NCAPD3: variants seen among roughly 807,000 people sequenced by gnomAD.
The protein encoded by NCAPD3 is non-SMC condensin II complex subunit D3.
NCAPD3 carries 105 observed loss-of-function variants against 182.9 expected under a neutral mutation model. That is an observed-to-expected ratio of 0.57 (90% CI 0.49 to 0.68). The LOEUF (loss-of-function observed/expected upper bound fraction) is 0.68. NCAPD3 is among the 30% of genes least tolerant of loss of function. The probability of loss-of-function intolerance (pLI) is 0.00; values close to 1 mark genes in which losing one functional copy is unlikely to be tolerated. For synonymous variants in NCAPD3, 815 were observed against 679.9 expected (o/e 1.20, Z -3.09); for missense variants, 1,944 against 1,837.0 (o/e 1.06, Z -1.07).
intron 7 of NCAPD3, among the ~76,000 whole-genome samples, chr11:134,207,500 C>T (rs1455883403): frequency 6.6e-6 from 1 of 152,040 alleles, no homozygotes; most frequent in African/African-American, 2.4e-5. Flanking sequence ...GTAATTCCAG[C>T]ACTTTGGGAA....
At chr11:134,197,259 A>ACC (rs1378363303) in intron 13 of NCAPD3, among the ~76,000 whole-genome samples, 1 of 144,758 alleles carries the variant, frequency 6.9e-6, no homozygotes, top group Non-Finnish European at 1.5e-5. Flanking sequence ...CTGATAAATT[A>ACC]CCCAGTCTCA....
rs941761240 is a variant in NCAPD3, at chr11:134,151,826, C to T, written c.*1118G>A. 7 of 149,176 alleles carry T rather than the reference C, an allele frequency of 4.7e-5. No homozygotes were observed. Among genetic ancestry groups the T allele is most frequent in the African/African-American group, 1.5e-4 (6 of 41,288 alleles). 9.2% of individuals were successfully genotyped at this position (149,176 alleles called of 1,614,324 possible). A position where few individuals can be genotyped will look rare whatever the true frequency, so the allele number is the denominator to read the frequency against. On this transcript the variant is annotated 3_prime_UTR_variant, in exon 35 of 35. Transcript: ENST00000534548. ...TCTTCCTAGCATTTCAGTGGTTAGG[C>T]ATGCACACTAAAAATGCTATCAATC...
chr11:134,152,600 T>C lies in NCAPD3; in HGVS notation c.*344A>G, dbSNP rs116976000. On this transcript the variant is annotated 3_prime_UTR_variant, in exon 35 of 35. Coordinates refer to ENST00000534548, the MANE Select transcript of NCAPD3 (RefSeq NM_015261.3). ...GGAATTCAAGTTAACAGAGGCTTGA[T>C]TTATATAAAAGAAAGCTGCAGTTTT... 8 of 191,090 alleles carry C rather than the reference T, an allele frequency of 4.2e-5. No individual in the cohort carries two copies. The East Asian group carries it at 1.0e-3, about 25-fold the overall frequency. The allele number at this position is 191,090 out of a possible 1,614,324, so 11.8% of individuals were successfully genotyped here. A position where few individuals can be genotyped will look rare whatever the true frequency, so the allele number is the denominator to read the frequency against.
chr11:134,180,006 A>G (rs1372737479), intron 20 of NCAPD3, among the ~76,000 whole-genome samples: 3 of 151,986 alleles, frequency 2.0e-5, no homozygotes, highest in Non-Finnish European at 2.9e-5. Flanking sequence ...GATTTTGATG[A>G]CACGGTTAAC....
At chr11:134,169,080 G>C (rs375733833) in intron 24 of NCAPD3, 26 bp from the exon 25 acceptor site, 4 of 1,606,924 alleles carry the variant, frequency 2.5e-6, no homozygotes, top group Non-Finnish European at 3.4e-6. Flanking sequence ...AAACAAAGAG[G>C]GAGACCCATT....
rs1185632416 is a variant in NCAPD3 at position 134,158,495 on chromosome 11, C to T, written c.3868G>A (p.Val1290Ile). 1.9e-6 allele frequency: 3 copies of T among 1,612,822 alleles called. No individual in the cohort carries two copies. The Admixed American group carries it at 5.0e-5, about 27-fold the overall frequency. Reference protein sequence around the residue: ...GGAEVAPVAQVALCLETVPVP... With the variant: ...GGAEVAPVAQIALCLETVPVP... ...GGCACTGTTTCTAAACACAGGGCAA[C>T]CTGGTAGAGAAGATAAAGAGTATGT... Residue 1290 changes from valine to isoleucine, a missense_variant and splice_region_variant, in exon 30 of 35, where the codon GTT (valine) becomes ATT (isoleucine). By Grantham distance (29) the Val-to-Ile change is conservative (BLOSUM62 3). Coordinates refer to ENST00000534548, the MANE Select transcript of NCAPD3 (RefSeq NM_015261.3).
intron 8 of NCAPD3, 80 bp downstream of exon 8, chr11:134,206,518 CA>C (rs1937618846): frequency 3.9e-6 from 6 of 1,553,296 alleles, no homozygotes; most frequent in Non-Finnish European, 5.3e-6. Context: ...TTTAAGTCTA[CA>C]TGTATCAGAA....
chr11:134,187,208 TG>T (rs1334939905), intron 16 of NCAPD3, among the ~76,000 whole-genome samples: 2 of 152,224 alleles, frequency 1.3e-5, no homozygotes, highest in Admixed American at 1.3e-4. Flanking sequence ...CCCGTCTCCA[TG>T]GCCTCCACCA....
At chr11:134,188,254 G>A (rs1051674692) in intron 16 of NCAPD3, among the ~76,000 whole-genome samples, 9 of 150,990 alleles carry the variant, frequency 6.0e-5, no homozygotes, top group African/African-American at 1.7e-4. Flanking sequence ...CTAAAGGATT[G>A]TAAATGTACC....
chr11:134,168,859 C>T (rs1591831131), intron 25 of NCAPD3, 58 bp downstream of exon 25: 1 of 1,568,564 alleles, frequency 6.4e-7, no homozygotes. Flanking sequence ...CTAACCTCCC[C>T]TGATTCCCCC....
intron 22 of NCAPD3, 87 bp downstream of exon 22, chr11:134,178,547 C>T (rs1944221023): frequency 9.3e-7 from 1 of 1,070,664 alleles, no homozygotes; most frequent in Admixed American, 2.4e-5. Context: ...CTCCGCAGCC[C>T]CTGACACAGT....
intron 24 of NCAPD3, among the ~76,000 whole-genome samples, chr11:134,169,480 A>G (rs989050865): frequency 6.6e-6 from 1 of 152,240 alleles, no homozygotes; most frequent in Non-Finnish European, 1.5e-5. Context: ...GTTGCCCACA[A>G]TTATGAACAA....
intron 24 of NCAPD3, among the ~76,000 whole-genome samples, chr11:134,175,682 T>C (rs1944143398): frequency 6.6e-6 from 1 of 152,162 alleles, no homozygotes; most frequent in Non-Finnish European, 1.5e-5. Flanking sequence ...AAAGAATTAC[T>C]GTTACAACAA....
Position 134,157,164 on chromosome 11 carries a change from G to A in NCAPD3, c.4175-69C>T, listed in dbSNP as rs1943445319. The A allele has an allele frequency of 2.4e-6, 3 of 1,249,742 alleles. No homozygotes were observed. In the South Asian group the frequency reaches 4.2e-5, roughly 18 times the overall value. The allele number at this position is 1,249,742 out of a possible 1,614,324, so 77.4% of individuals were successfully genotyped here. A position where few individuals can be genotyped will look rare whatever the true frequency, so the allele number is the denominator to read the frequency against. The stretch of plus-strand genomic sequence containing the variant: ...ATAACGAAGAGCAAAACAACCACAT[G>A]AGAAAACATATCTGCAAGACGTAAA... On this transcript the variant is annotated intron_variant, in intron 31 of 34. Coordinates refer to ENST00000534548, the MANE Select transcript of NCAPD3 (RefSeq NM_015261.3).
chr11:134,161,993 T>A (rs1943595875), intron 27 of NCAPD3, 102 bp from the exon 28 acceptor site: 2 of 607,114 alleles, frequency 3.3e-6, no homozygotes, highest in Admixed American at 3.5e-5. Flanking sequence ...CCACACTATG[T>A]AAGTTTATTT....
Position 134,204,848 on chromosome 11 carries a change from T to C in NCAPD3, c.1089+51A>G. The C allele has an allele frequency of 6.9e-7, 1 of 1,441,860 alleles. No homozygotes were observed. Among genetic ancestry groups the C allele is most frequent in the Non-Finnish European group, 9.7e-7 (1 of 1,027,676 alleles). 89.3% of individuals were successfully genotyped at this position (1,441,860 alleles called of 1,614,324 possible). ...TCACACACACACACACACATTTATC[T>C]TCACACACGATATACTTCCATGTTA... On this transcript the variant is annotated intron_variant, in intron 9 of 34. Transcript: ENST00000534548. The surrounding 1 kb of genome is among the most constrained non-coding windows in gnomAD (Gnocchi z 4.3).
At chr11:134,159,779 G>C in intron 29 of NCAPD3, 113 bp downstream of exon 29, 1 of 1,195,368 alleles carries the variant, frequency 8.4e-7, no homozygotes, top group Non-Finnish European at 1.1e-6. Flanking sequence ...CGAGGCCTTC[G>C]GGCTGACTAA....
rs1379147736 is a variant in NCAPD3 at position 134,150,659 on chromosome 11, GT to G, written c.*2284del. On this transcript the variant is annotated 3_prime_UTR_variant, in exon 35 of 35. Transcript: ENST00000534548. ...AATGCTATTTTTTTTTTTTAAGTTT[GT>G]TTAATTATTTGTTAAGATTGTCTAA... The G allele has an allele frequency of 1.1e-4, 17 of 151,278 alleles. No individual in the cohort carries two copies. Among genetic ancestry groups the G allele is most frequent in the Non-Finnish European group, 2.4e-4 (16 of 67,832 alleles). 9.4% of individuals were successfully genotyped at this position (151,278 alleles called of 1,614,324 possible).
chr11:134,223,739 G>C (rs1434322334), intron 1 of NCAPD3, 124 bp downstream of exon 1: 1 of 1,192,954 alleles, frequency 8.4e-7, no homozygotes, highest in East Asian at 2.6e-5. Context: ...GGGACCCCAG[G>C]CACCGCCGAC....
Sources: gnomAD v4.1 joint callset for allele counts (sites outside exome capture counted in the v4.1 genomes callset) on GRCh38, gnomAD v4.1.1 for gene constraint, Gnocchi (gnomAD v3.1) non-coding constraint, MANE v1.5 for transcripts, NCBI Gene and HGNC (gene_info 2026-07-23, HGNC 2026-07-21) for gene names.